Variants in GPRC5B observed in about 807,000 individuals in gnomAD.
GPRC5B encodes G protein-coupled receptor class C group 5 member B, also known as G protein-coupled receptor family C group 5 member B.
A neutral mutation model predicts 30.1 loss-of-function variants in GPRC5B; 16 were observed. The ratio of observed to expected loss-of-function variants is 0.53; its 90% CI spans 0.36 to 0.81. The LOEUF is 0.81. Among genes scored for constraint, GPRC5B ranks in the 30% least tolerant of loss-of-function variants. GPRC5B has a pLI of 0.01. For synonymous variants in GPRC5B, 241 were observed against 239.5 expected (o/e 1.01, Z -0.06); for missense variants, 428 against 544.7 (o/e 0.79, Z 2.13).
chr16:19,875,729 A>G (rs1196661638), intron 1 of GPRC5B, among the ~76,000 whole-genome samples: 1 of 152,178 alleles, frequency 6.6e-6, no homozygotes, highest in Admixed American at 6.5e-5. Context: ...CAGTGCGCCA[A>G]GATCTTGCCA....
intron 2 of GPRC5B, among the ~76,000 whole-genome samples, chr16:19,863,817 A>G (rs1460632624): frequency 6.6e-6 from 1 of 151,992 alleles, no homozygotes; most frequent in Non-Finnish European, 1.5e-5. Context: ...CGATTCTTAT[A>G]GGACCTCAAA....
At chr16:19,874,054 A>C (rs1295791730) in intron 1 of GPRC5B, among the ~76,000 whole-genome samples, 5 of 152,116 alleles carry the variant, frequency 3.3e-5, no homozygotes, top group Non-Finnish European at 5.9e-5. Flanking sequence ...AAGTGCTGGA[A>C]TCCCAGCATT....
chr16:19,874,804 T>A (rs1019187396), intron 1 of GPRC5B: 4 of 151,524 alleles, frequency 2.6e-5, no homozygotes, highest in African/African-American at 9.7e-5. Context: ...AAATACTGAA[T>A]GAATGAGAAA....
chr16:19,863,373 C>A (rs1253374410), intron 2 of GPRC5B, among the ~76,000 whole-genome samples: 1 of 151,652 alleles, frequency 6.6e-6, no homozygotes. Flanking sequence ...GTTGCCCAGG[C>A]TGACTATATG....
Position 19,876,162 on chromosome 16 carries a change from T to TC in GPRC5B, c.-1-3317dup, listed in dbSNP as rs1347584356. On this transcript the variant is annotated intron_variant, in intron 1 of 3. Coordinates refer to ENST00000300571, the MANE Select transcript of GPRC5B (RefSeq NM_016235.3). ...CTTTGCAGTCCTCACTACCACCGATTCCCCAACCCCTCCTCACCCAGTAGG... is the reference window on the plus strand; with the variant it reads ...CTTTGCAGTCCTCACTACCACCGATTCCCCCAACCCCTCCTCACCCAGTAGG... Among the ~76,000 whole-genome samples the TC allele has an allele frequency of 1.8e-4, 28 of 152,168 alleles. 1 individual carries two copies. The highest frequency in any genetic ancestry group is 4.4e-5 in the Non-Finnish European group (3 of 68,030).
In GPRC5B at chr16:19,871,818, G is replaced by T. The variant is rs1371500473; in HGVS notation, c.1028C>A (p.Ala343Glu). The T allele has an allele frequency of 6.2e-7, 1 of 1,611,876 alleles. No individual in the cohort carries two copies. Among genetic ancestry groups the T allele is most frequent in the Non-Finnish European group, 8.5e-7 (1 of 1,178,418 alleles). ...CAGCCGGGTGGTGCCCACTTTACCTGCATTGTGTTCATCCATGGAGAAGGC... is the reference window on the plus strand; with the variant it reads ...CAGCCGGGTGGTGCCCACTTTACCTTCATTGTGTTCATCCATGGAGAAGGC... ...NKAFSMDEHN[A>E]ALRTAGFPNG... The change falls in exon 2 of 4, where the codon GCA becomes GAA. Residue 343 changes from alanine (A) to glutamate (E), a missense_variant and splice_region_variant. Physicochemically the swap from Ala to Glu is moderately radical, Grantham distance 107. Transcript: ENST00000300571.
rs71375667 is a variant in GPRC5B, at chr16:19,871,281, C to CAAAAAAAAAAA, written c.1030+524_1030+534dup. ...TGGGCAACAGAACAAGACCCTGTCT[C>CAAAAAAAAAAA]AAAAAAAAAAAAAAAAAAAGAAAGA... On this transcript the variant is annotated intron_variant, in intron 2 of 3. Transcript: ENST00000300571. 3.6e-3 allele frequency among the ~76,000 whole-genome samples: 254 copies of CAAAAAAAAAAA among 70,224 alleles called. 5 individuals carry two copies. Among genetic ancestry groups the CAAAAAAAAAAA allele is most frequent in the East Asian group, 7.6e-3 (18 of 2,382 alleles). The allele number at this position is 70,224 out of a possible 152,430, so 46.1% of individuals were successfully genotyped here. A position where few individuals can be genotyped will look rare whatever the true frequency, so the allele number is the denominator to read the frequency against.
chr16:19,875,975 G>A (rs569545858), intron 1 of GPRC5B, among the ~76,000 whole-genome samples: 22 of 152,246 alleles, frequency 1.4e-4, no homozygotes, highest in Admixed American at 2.6e-4. Context: ...AACAGTCCCC[G>A]ACCCAGTGGA....
intron 1 of GPRC5B, among the ~76,000 whole-genome samples, chr16:19,878,228 A>AGAC (rs547567628): frequency 2.4e-4 from 31 of 131,476 alleles, no homozygotes; most frequent in Middle Eastern, 4.1e-3. Flanking sequence ...AACAAACAAA[A>AGAC]AAACCCAAAG....
At chr16:19,864,187 G>T (rs1000552772) in intron 2 of GPRC5B, among the ~76,000 whole-genome samples, 2 of 152,196 alleles carry the variant, frequency 1.3e-5, no homozygotes, top group Non-Finnish European at 2.9e-5. Context: ...GCCTTTTCTT[G>T]CATAGACCCT....
chr16:19,863,315 G>A (rs545022208), intron 2 of GPRC5B, among the ~76,000 whole-genome samples: 1 of 151,782 alleles, frequency 6.6e-6, no homozygotes, highest in Non-Finnish European at 1.5e-5. Context: ...ATGCCACCAT[G>A]CGTGGCTAAT....
At chr16:19,861,087 T>TTAAAAAAAAAAAAAA (rs569493402) in intron 3 of GPRC5B, among the ~76,000 whole-genome samples, 133 of 93,308 alleles carry the variant, frequency 1.4e-3, no homozygotes, top group East Asian at 5.8e-3. Flanking sequence ...CTGATTTACA[T>TTAAAAAAAAAAAAAA]AAAAAAAAAA....
chr16:19,861,846 G>A lies in GPRC5B; in HGVS notation c.1158C>T (p.Asn386=), dbSNP rs149762584. The change falls in exon 3 of 4, where the codon AAC becomes AAT. Residue 386 remains asparagine, a synonymous_variant. Coordinates refer to ENST00000300571, the MANE Select transcript of GPRC5B (RefSeq NM_016235.3). Reference sequence around the variant, plus strand: ...ACATCTTGATACTTACGGTCCCACCGTTGAGCACGACGGCCATCTCAGTTG... The same window carrying A: ...ACATCTTGATACTTACGGTCCCACCATTGAGCACGACGGCCATCTCAGTTG... ...YQPTEMAVVL[N]GGTIPTAPPS... 1.4e-5 allele frequency: 23 copies of A among 1,613,100 alleles called. No homozygotes were observed. Among genetic ancestry groups the A allele is most frequent in the South Asian group, 1.3e-4 (12 of 91,038 alleles).
chr16:19,872,835 G>A lies in GPRC5B; in HGVS notation c.11C>T (p.Ala4Val). Reference protein sequence around the residue: MFVASERKMRAHQV... With the variant: MFVVSERKMRAHQV... ...GTGAGCTCTCATCTTTCTCTCTGAT[G>A]CCACGAACATTCTAGAAAAGCCAAG... Residue 4 changes from alanine (A) to valine (V), a missense_variant, in exon 2 of 4, where the codon GCA becomes GTA. This residue lies in a region of GPRC5B where 196 missense variants were observed against 272.6 expected (regional missense o/e 0.72). Transcript: ENST00000300571. This position sits in a 1 kb window ranked among gnomAD's most constrained non-coding sequence, Gnocchi z 5.0. The A allele has an allele frequency of 2.5e-6, 4 of 1,610,560 alleles. No individual in the cohort carries two copies. Among genetic ancestry groups the A allele is most frequent in the Non-Finnish European group, 3.4e-6 (4 of 1,177,362 alleles).
chr16:19,862,690 G>A (rs4782295), intron 2 of GPRC5B, among the ~76,000 whole-genome samples: 18,828 of 152,184 alleles, frequency 0.12, 1,249 homozygotes, highest in African/African-American at 0.15. Flanking sequence ...AGGCCAAGGC[G>A]GGTGGATCAC....
rs2056588832 is a variant in GPRC5B, at chr16:19,858,275, G to C, written c.*2225C>G. 9.9e-6 allele frequency: 4 copies of C among 405,574 alleles called. No individual in the cohort carries two copies. The highest frequency in any genetic ancestry group is 1.3e-5 in the Non-Finnish European group (3 of 230,096). 25.1% of individuals were successfully genotyped at this position (405,574 alleles called of 1,614,324 possible). A position where few individuals can be genotyped will look rare whatever the true frequency, so the allele number is the denominator to read the frequency against. ...GTTCAGCCCACTCTCAACCTTAAAA[G>C]CCAAAATAAAACAAAACCCTAAGTG... On this transcript the variant is annotated 3_prime_UTR_variant, in exon 4 of 4. Coordinates refer to ENST00000300571, the MANE Select transcript of GPRC5B (RefSeq NM_016235.3).
At chr16:19,884,952 C>G, upstream of GPRC5B, 1 of 876,478 alleles carries the variant, frequency 1.1e-6, no homozygotes, top group Non-Finnish European at 1.4e-6. Context: ...GCCCCGCCCC[C>G]GGGCCTCCGA....
intron 2 of GPRC5B, among the ~76,000 whole-genome samples, chr16:19,867,155 CAG>C (rs2141141597): frequency 6.6e-6 from 1 of 152,328 alleles, no homozygotes; most frequent in East Asian, 1.9e-4. Flanking sequence ...TCCAAATGCA[CAG>C]AGTGGTCCTG....
chr16:19,865,351 TCTAC>T (rs2141140290), intron 2 of GPRC5B, among the ~76,000 whole-genome samples: 1 of 152,280 alleles, frequency 6.6e-6, no homozygotes, highest in Admixed American at 6.5e-5. Context: ...AGTCCACTGG[TCTAC>T]CTTTCTGGGG....
Sources: gnomAD v4.1 joint callset for allele counts (sites outside exome capture counted in the v4.1 genomes callset) on GRCh38, gnomAD v4.1.1 for gene constraint, gnomAD v4.1.1 regional missense constraint, Gnocchi (gnomAD v3.1) non-coding constraint, MANE v1.5 for transcripts, NCBI Gene and HGNC (gene_info 2026-07-23, HGNC 2026-07-21) for gene names.